Variants in ASTN2 observed in about 807,000 individuals in gnomAD.
The protein encoded by ASTN2 is astrotactin 2, also known as astrotactin-2.
A neutral mutation model predicts 139.8 loss-of-function variants in ASTN2; 54 were observed. The observed-to-expected ratio is 0.39, with a 90% CI of 0.31 to 0.48. The LOEUF is 0.48. Ranked by LOEUF, ASTN2 falls within the 20% of genes least tolerant of loss-of-function variation. The pLI is 0.95. For missense variants in ASTN2, 1,565 were observed against 1,725.1 expected (o/e 0.91, Z 1.64); for synonymous variants, 756 against 719.5 (o/e 1.05, Z -0.81).
chr9:116,479,026 G>A (rs1204494253), intron 20 of ASTN2, among the ~76,000 whole-genome samples: 3 of 137,098 alleles, frequency 2.2e-5, no homozygotes, highest in Admixed American at 7.1e-5. Context: ...AAAGGGAAAT[G>A]CACAGCCTCT....
chr9:117,347,616 A>G (rs1829261464), intron 1 of ASTN2, among the ~76,000 whole-genome samples: 1 of 152,126 alleles, frequency 6.6e-6, no homozygotes, highest in Non-Finnish European at 1.5e-5. Context: ...ACCACACCCA[A>G]TTATCTGTTC....
chr9:116,667,073 A>G (rs1317596560), intron 16 of ASTN2, among the ~76,000 whole-genome samples: 1 of 146,712 alleles, frequency 6.8e-6, no homozygotes, highest in East Asian at 2.0e-4. Flanking sequence ...CTCCTACCTC[A>G]GCCTCCCAAG....
intron 3 of ASTN2, among the ~76,000 whole-genome samples, chr9:117,212,568 CAAAAAACAAAA>C (rs1392575512): frequency 1.8e-3 from 2 of 1,088 alleles, no homozygotes; most frequent in Non-Finnish European, 5.9e-3. Context: ...ACAGCAAAAA[CAAAAAACAAAA>C]AAACAAAAAA....
At chr9:117,151,987 T>C (rs970713645) in intron 3 of ASTN2, among the ~76,000 whole-genome samples, 1 of 152,038 alleles carries the variant, frequency 6.6e-6, no homozygotes, top group South Asian at 2.1e-4. Flanking sequence ...CTGGACAGAC[T>C]TGGGCTTGAG....
chr9:117,144,162 G>A (rs10818000), intron 3 of ASTN2, among the ~76,000 whole-genome samples: 79,335 of 151,880 alleles, frequency 0.52, 20,933 homozygotes, highest in East Asian at 0.68. Flanking sequence ...GCTGTGAGAG[G>A]ACACAGTGAG....
At chr9:116,979,387 C>T (rs10983441) in intron 7 of ASTN2, among the ~76,000 whole-genome samples, 4,902 of 152,098 alleles carry the variant, frequency 0.032, 116 homozygotes, top group Non-Finnish European at 0.045. Context: ...AACATCATGC[C>T]TGGGGTCTTC....
rs569096695 is a variant in ASTN2 at position 117,193,674 on chromosome 9, C to T, written c.1015+20684G>A. On this transcript the variant is annotated intron_variant, in intron 3 of 22. Transcript: ENST00000313400. ...AAAAAAAAGAAAAAGAAAAGAAAAT[C>T]ATTTCCAAATTTTTCTTCTTTTCAT... is the stretch of plus-strand genomic sequence containing the variant. 7.5e-5 allele frequency among the ~76,000 whole-genome samples: 11 copies of T among 146,888 alleles called. No individual in the cohort carries two copies. The East Asian group carries it at 2.0e-3, about 27-fold the overall frequency.
intron 1 of ASTN2, among the ~76,000 whole-genome samples, chr9:117,341,226 C>T (rs188408532): frequency 1.3e-5 from 2 of 151,976 alleles, no homozygotes; most frequent in African/African-American, 4.8e-5. Flanking sequence ...GAAATGGACC[C>T]CAGAGAAAGT....
At chr9:117,054,349 C>T (rs145813325) in intron 5 of ASTN2, among the ~76,000 whole-genome samples, 181 of 152,300 alleles carry the variant, frequency 1.2e-3, no homozygotes, top group African/African-American at 4.1e-3. Flanking sequence ...GGAGCAAATC[C>T]CTTCCCCTGG....
chr9:116,865,423 CAAAAAAAAAAAAAA>C (rs869251101), intron 10 of ASTN2, among the ~76,000 whole-genome samples: 5 of 48,856 alleles, frequency 1.0e-4, no homozygotes, highest in East Asian at 1.2e-3. Context: ...AACACTGTCT[CAAAAAAAAAAAAAA>C]AAAAAAAAAA....
At chr9:116,712,576 T>G (rs1467049868) in intron 16 of ASTN2, among the ~76,000 whole-genome samples, 2 of 152,188 alleles carry the variant, frequency 1.3e-5, no homozygotes. Flanking sequence ...TTATGCCACC[T>G]CCTGCTTCTC....
chr9:117,144,684 T>TTTTTTTTTTTTTTTTG (rs1830153612), intron 3 of ASTN2, among the ~76,000 whole-genome samples: 1 of 56,004 alleles, frequency 1.8e-5, no homozygotes, highest in African/African-American at 4.8e-5. Context: ...TTTTTTTTTT[T>TTTTTTTTTTTTTTTTG]TTTTTTTTTT....
At chr9:116,948,787 T>G (rs1415500937) in intron 10 of ASTN2, among the ~76,000 whole-genome samples, 36 of 31,852 alleles carry the variant, frequency 1.1e-3, no homozygotes, top group Non-Finnish European at 2.7e-3. Context: ...AATTTGGTGT[T>G]TTTTTTTTTT....
At chr9:116,893,159 TCA>T (rs56263614) in intron 10 of ASTN2, among the ~76,000 whole-genome samples, 16,417 of 149,182 alleles carry the variant, frequency 0.11, 1,026 homozygotes, top group East Asian at 0.27. Flanking sequence ...TAAAGGTGTA[TCA>T]CACACACACA....
At chr9:116,515,745 A>T (rs1850620908) in intron 19 of ASTN2, among the ~76,000 whole-genome samples, 1 of 152,192 alleles carries the variant, frequency 6.6e-6, no homozygotes, top group Non-Finnish European at 1.5e-5. Context: ...GTGACCCAAG[A>T]AGTTTTCATT....
chr9:116,442,630 A>C (rs1010458535), intron 20 of ASTN2, 77 bp from the exon 21 acceptor site: 4 of 1,141,498 alleles, frequency 3.5e-6, no homozygotes, highest in Non-Finnish European at 5.3e-6. Context: ...AAGAACAGAG[A>C]GTCATGGCAC....
chr9:117,381,426 G>A (rs924254258), intron 1 of ASTN2, among the ~76,000 whole-genome samples: 5 of 152,142 alleles, frequency 3.3e-5, no homozygotes, highest in Non-Finnish European at 5.9e-5. Flanking sequence ...GGAGGTCACA[G>A]AATCATGGGG....
At chr9:116,769,898 A>T (rs1283656204) in intron 13 of ASTN2, among the ~76,000 whole-genome samples, 1 of 73,958 alleles carries the variant, frequency 1.4e-5, no homozygotes, top group African/African-American at 3.5e-5. Flanking sequence ...AAATATATAT[A>T]TATGGGCATG....
intron 10 of ASTN2, among the ~76,000 whole-genome samples, chr9:116,970,842 T>A (rs1836175365): frequency 6.6e-6 from 1 of 152,192 alleles, no homozygotes; most frequent in Non-Finnish European, 1.5e-5. Context: ...ACTGAGGCGC[T>A]CCAAAAGCTG....
Sources: gnomAD v4.1 joint callset for allele counts (sites outside exome capture counted in the v4.1 genomes callset) on GRCh38, gnomAD v4.1.1 for gene constraint, MANE v1.5 for transcripts, NCBI Gene and HGNC (gene_info 2026-07-23, HGNC 2026-07-21) for gene names.